The following MAGI1 variants were observed in gnomAD, a reference collection of about 807,000 sequenced individuals.
MAGI1 encodes membrane associated guanylate kinase, WW and PDZ domain containing 1.
In MAGI1, 58 loss-of-function variants were observed where a neutral mutation model predicts 139.9. That is an observed-to-expected ratio of 0.41 (90% CI 0.34 to 0.52). The LOEUF (loss-of-function observed/expected upper bound fraction) is 0.52. Among genes scored for constraint, MAGI1 ranks in the 20% least tolerant of loss-of-function variants. MAGI1 has a pLI of 0.12. For missense variants in MAGI1, 1,874 were observed against 1,901.6 expected (o/e 0.99, Z 0.27); for synonymous variants, 812 against 737.9 (o/e 1.10, Z -1.63).
rs1940195135 is a variant in MAGI1, at chr3:65,356,399, A to C, written c.4368T>G (p.Cys1456Trp). ...CGTCTCAGATACTGAGGTCGGTGCT[A>C]CATTCTTTGTAAGGTCGCCTTCTCT... is the stretch of plus-strand genomic sequence containing the variant. ...PEQRRRPYKE[C>W]STDLSI The change falls in exon 23 of 23, where the codon TGT becomes TGG. Residue 1456 changes from cysteine (C) to tryptophan (W), a missense_variant. This residue lies in a region of MAGI1 where 653 missense variants were observed against 644.5 expected (regional missense o/e 1.01). Transcript: ENST00000402939. The C allele has an allele frequency of 6.2e-7, 1 of 1,600,138 alleles. No homozygotes were observed. Among genetic ancestry groups the C allele is most frequent in the African/African-American group, 1.3e-5 (1 of 74,468 alleles).
At chr3:65,868,557 G>A (rs779325454) in intron 1 of MAGI1, among the ~76,000 whole-genome samples, 1 of 152,094 alleles carries the variant, frequency 6.6e-6, no homozygotes, top group Non-Finnish European at 1.5e-5. Flanking sequence ...TATCACAAAT[G>A]CACTCAGCAT....
Position 65,363,522 on chromosome 3 carries a change from G to A in MAGI1, c.3438C>T (p.Asp1146=). Residue 1146 remains aspartate, a synonymous_variant, in exon 21 of 23, where the codon GAC becomes GAT. Transcript: ENST00000402939. The stretch of plus-strand genomic sequence containing the variant: ...CCTCTGCTAAGCGCAGAACATAGAG[G>A]TCCATGTTATACTCTCGGCCTCCTC... The part of the protein sequence containing the change: ...SLRGGREYNM[D]LYVLRLAEDG... 2.5e-6 allele frequency: 4 copies of A among 1,603,682 alleles called. No individual in the cohort carries two copies. Among genetic ancestry groups the A allele is most frequent in the Non-Finnish European group, 3.4e-6 (4 of 1,170,786 alleles).
intron 1 of MAGI1, among the ~76,000 whole-genome samples, chr3:65,862,312 T>C (rs1310018989): frequency 6.6e-6 from 1 of 152,134 alleles, no homozygotes; most frequent in Non-Finnish European, 1.5e-5. Context: ...ATGGTTGATG[T>C]GTATTAAGTA....
chr3:65,740,668 C>A (rs1402170941), intron 1 of MAGI1, among the ~76,000 whole-genome samples: 1 of 152,194 alleles, frequency 6.6e-6, no homozygotes, highest in South Asian at 2.1e-4. Context: ...AAGAAATAAT[C>A]TACTCTCAAC....
chr3:65,860,126 C>T (rs1456730956), intron 1 of MAGI1, among the ~76,000 whole-genome samples: 1 of 152,002 alleles, frequency 6.6e-6, no homozygotes, highest in Non-Finnish European at 1.5e-5. Context: ...GAACTCCCCA[C>T]CTCAGGTGAT....
At chr3:65,830,095 G>A (rs1275090193) in intron 1 of MAGI1, among the ~76,000 whole-genome samples, 3 of 152,192 alleles carry the variant, frequency 2.0e-5, no homozygotes, top group Non-Finnish European at 4.4e-5. Context: ...ATCTTTCTGA[G>A]TTCTGACCAC....
At chr3:65,789,801 C>G (rs1422180789) in intron 1 of MAGI1, among the ~76,000 whole-genome samples, 2 of 152,064 alleles carry the variant, frequency 1.3e-5, no homozygotes, top group Non-Finnish European at 2.9e-5. Flanking sequence ...AAAACAAAAA[C>G]AGAAACAAAA....
At chr3:65,937,146 AAT>A (rs1441094145) in intron 1 of MAGI1, among the ~76,000 whole-genome samples, 1 of 152,202 alleles carries the variant, frequency 6.6e-6, no homozygotes, top group East Asian at 1.9e-4. Flanking sequence ...ATAAACTAGC[AAT>A]AGACAAGGAG....
At chr3:65,431,928 G>A (rs1947488084) in intron 10 of MAGI1, among the ~76,000 whole-genome samples, 1 of 152,150 alleles carries the variant, frequency 6.6e-6, no homozygotes, top group Non-Finnish European at 1.5e-5. Flanking sequence ...AGGAGGTAGA[G>A]GTTGCAGTGA....
chr3:65,389,033 C>T (rs970416874), intron 14 of MAGI1, among the ~76,000 whole-genome samples: 5 of 151,438 alleles, frequency 3.3e-5, no homozygotes, highest in South Asian at 2.1e-4. Context: ...TTAGCAGAGA[C>T]GGGGTTTCAC....
chr3:65,817,943 A>G (rs182792999), intron 1 of MAGI1, among the ~76,000 whole-genome samples: 1 of 152,312 alleles, frequency 6.6e-6, no homozygotes, highest in East Asian at 1.9e-4. Context: ...ATTCCAAAGC[A>G]AGAGACCATG....
intron 1 of MAGI1, among the ~76,000 whole-genome samples, chr3:65,649,180 C>T (rs2085440705): frequency 6.6e-6 from 1 of 151,998 alleles, no homozygotes; most frequent in Admixed American, 6.6e-5. Context: ...ACAAGACCAG[C>T]CTGGGCAACA....
chr3:65,528,694 T>A (rs887417075), intron 2 of MAGI1, among the ~76,000 whole-genome samples: 1 of 152,150 alleles, frequency 6.6e-6, no homozygotes, highest in Non-Finnish European at 1.5e-5. Flanking sequence ...ACTCCCAATA[T>A]TTCCCCTCTT....
At chr3:65,909,914 G>A (rs777831630) in intron 1 of MAGI1, among the ~76,000 whole-genome samples, 1 of 152,082 alleles carries the variant, frequency 6.6e-6, no homozygotes. Flanking sequence ...TCCCACCTCA[G>A]ATCATCAGGC....
chr3:65,853,439 G>A (rs775568866), intron 1 of MAGI1, among the ~76,000 whole-genome samples: 10 of 152,172 alleles, frequency 6.6e-5, no homozygotes, highest in Non-Finnish European at 1.0e-4. Context: ...ACTTTGTGCT[G>A]ACGAAATTTT....
chr3:65,468,367 CTTTTTTTTTTTTTTT>C (rs71102860), intron 5 of MAGI1, among the ~76,000 whole-genome samples: 1 of 61,366 alleles, frequency 1.6e-5, no homozygotes, highest in Non-Finnish European at 2.8e-5. Flanking sequence ...AGAGGGTATT[CTTTTTTTTTTTTTTT>C]TTTTTTTTTT....
chr3:65,919,203 T>A (rs2062051586), intron 1 of MAGI1, among the ~76,000 whole-genome samples: 1 of 152,248 alleles, frequency 6.6e-6, no homozygotes, highest in South Asian at 2.1e-4. Context: ...GACAAAATGC[T>A]GACTTCTCAT....
At position 65,354,522 on chromosome 3, in the gene MAGI1, G is replaced by A. The variant is rs1940117122; in HGVS notation, c.*1856C>T. ...AAGAGCATTAAGTCCATAGCACACT[G>A]CAAGAAATAAATGAGTGAAGAACAG... is the stretch of plus-strand genomic sequence containing the variant. On this transcript the variant is annotated 3_prime_UTR_variant, in exon 23 of 23. Coordinates refer to ENST00000402939, the MANE Select transcript of MAGI1 (RefSeq NM_001033057.2). 6.6e-6 allele frequency: 1 copy of A among 152,604 alleles called. No individual in the cohort carries two copies. Among genetic ancestry groups the A allele is most frequent in the African/African-American group, 2.4e-5 (1 of 41,444 alleles). The allele number at this position is 152,604 out of a possible 1,614,324, so 9.5% of individuals were successfully genotyped here.
rs2082499606 is a variant in MAGI1 at position 65,601,852 on chromosome 3, T to G, written c.430+20120A>C. Among the ~76,000 whole-genome samples, 5 of 152,250 alleles carry G rather than the reference T, an allele frequency of 3.3e-5. No homozygotes were observed. In the South Asian group the frequency reaches 1.0e-3, roughly 32 times the overall value. ...AAAGAAAAAAAATACTGGTGAAGCA[T>G]TTATCTGATAAGGTCCTTGTATCCA... On this transcript the variant is annotated intron_variant, in intron 2 of 22. Transcript: ENST00000402939.
Sources: gnomAD v4.1 joint callset for allele counts (sites outside exome capture counted in the v4.1 genomes callset) on GRCh38, gnomAD v4.1.1 for gene constraint, gnomAD v4.1.1 regional missense constraint, MANE v1.5 for transcripts, NCBI Gene and HGNC (gene_info 2026-07-23, HGNC 2026-07-21) for gene names.